VGLL3: variants seen among roughly 807,000 people sequenced by gnomAD.
VGLL3 encodes transcription cofactor vestigial-like protein 3.
A neutral mutation model predicts 29.2 loss-of-function variants in VGLL3; 18 were observed. That is an observed-to-expected ratio of 0.62 (90% CI 0.43 to 0.91). The LOEUF (loss-of-function observed/expected upper bound fraction) is 0.91, where lower values mean the gene tolerates loss of function less well. Among genes scored for constraint, VGLL3 ranks in the 40% least tolerant of loss-of-function variants. The pLI, the probability that VGLL3 is intolerant of heterozygous loss-of-function variation, is 0.00. For synonymous variants in VGLL3, 180 were observed against 151.8 expected (o/e 1.19, Z -1.36); for missense variants, 440 against 413.2 (o/e 1.06, Z -0.56).
rs575096632 is a variant in VGLL3, at chr3:86,988,586, CT to C, written c.126+2031del. Among the ~76,000 whole-genome samples, 222 of 110,170 alleles carry C rather than the reference CT, an allele frequency of 2.0e-3. 1 individual carries two copies. Among genetic ancestry groups the C allele is most frequent in the African/African-American group, 3.4e-3 (100 of 29,344 alleles). 72.3% of individuals were successfully genotyped at this position (110,170 alleles called of 152,430 possible). A position where few individuals can be genotyped will look rare whatever the true frequency, so the allele number is the denominator to read the frequency against. ...AAGAACAGTAGTTACACTGTCAAGT[CT>C]TTTTTTTTTTATTTCGTTAGCCAGT... On this transcript the variant is annotated intron_variant, in intron 1 of 3. Transcript: ENST00000398399.
intron 3 of VGLL3, among the ~76,000 whole-genome samples, chr3:86,955,710 C>T (rs747045896): frequency 5.3e-5 from 8 of 152,084 alleles, no homozygotes; most frequent in Non-Finnish European, 7.4e-5. Flanking sequence ...TTTTATGTGA[C>T]ATGAACAGAA....
rs1490986160 is a variant in VGLL3 at position 86,939,094 on chromosome 3, A to G, written c.*7930T>C. 6.6e-6 allele frequency: 1 copy of G among 152,238 alleles called. No individual in the cohort carries two copies. 9.4% of individuals were successfully genotyped at this position (152,238 alleles called of 1,614,324 possible). ...ACTACATGAAACATTTGAAATAGTG[A>G]CAGGAATTTTCTTTACATGCAATTA... On this transcript the variant is annotated 3_prime_UTR_variant, in exon 4 of 4. Coordinates refer to ENST00000398399, the MANE Select transcript of VGLL3 (RefSeq NM_016206.4).
At chr3:86,974,728 C>T (rs1705173405) in intron 2 of VGLL3, among the ~76,000 whole-genome samples, 1 of 152,186 alleles carries the variant, frequency 6.6e-6, no homozygotes, top group Admixed American at 6.5e-5. Context: ...GGTAGCACTT[C>T]TGTGGCACTG....
intron 3 of VGLL3, among the ~76,000 whole-genome samples, chr3:86,965,631 A>G (rs1265162661): frequency 6.6e-6 from 1 of 152,174 alleles, no homozygotes; most frequent in Non-Finnish European, 1.5e-5. Flanking sequence ...TGTTGCCGGC[A>G]ATTCCTGACT....
intron 2 of VGLL3, among the ~76,000 whole-genome samples, chr3:86,977,959 C>T (rs1036139266): frequency 2.0e-5 from 3 of 152,354 alleles, no homozygotes; most frequent in East Asian, 3.9e-4. Context: ...GTCCAATGTG[C>T]TGCTCTTTCT....
Position 86,988,690 on chromosome 3 carries a change from A to AAGG in VGLL3, c.126+1927_126+1928insCCT, listed in dbSNP as rs1559736723. ...AAAAAAAAAAAAAAAAAAAAAGAAG[A>AAGG]AGAAGAAGGAGAAGAAAAAGAAGAA... On this transcript the variant is annotated intron_variant, in intron 1 of 3. Coordinates refer to ENST00000398399, the MANE Select transcript of VGLL3 (RefSeq NM_016206.4). Among the ~76,000 whole-genome samples, 14 of 37,262 alleles carry AAGG rather than the reference A, an allele frequency of 3.8e-4. 4 individuals carry two copies. Among genetic ancestry groups the AAGG allele is most frequent in the East Asian group, 7.8e-4 (1 of 1,286 alleles). The allele number at this position is 37,262 out of a possible 152,430, so 24.4% of individuals were successfully genotyped here.
chr3:86,968,054 C>T (rs777912071), intron 3 of VGLL3, among the ~76,000 whole-genome samples: 8 of 151,574 alleles, frequency 5.3e-5, no homozygotes, highest in Middle Eastern at 3.2e-3. Context: ...AGTCAGGGAA[C>T]GGAGGGCAGA....
chr3:86,985,917 C>T (rs1179531238), intron 1 of VGLL3, among the ~76,000 whole-genome samples: 1 of 152,152 alleles, frequency 6.6e-6, no homozygotes, highest in Admixed American at 6.5e-5. Flanking sequence ...GAATGACAGT[C>T]ACCTAGCTTA....
At chr3:86,955,945 C>T (rs1704713496) in intron 3 of VGLL3, among the ~76,000 whole-genome samples, 1 of 152,204 alleles carries the variant, frequency 6.6e-6, no homozygotes, top group African/African-American at 2.4e-5. Flanking sequence ...TTTTGCTTCT[C>T]ATCAGTCCTT....
rs1421659473 is a variant in VGLL3 at position 86,946,563 on chromosome 3, A to G, written c.*461T>C. On this transcript the variant is annotated 3_prime_UTR_variant, in exon 4 of 4. Coordinates refer to ENST00000398399, the MANE Select transcript of VGLL3 (RefSeq NM_016206.4). Reference sequence around the variant, plus strand: ...GAACTCAACAATTTTTACAATTTTAAAAAAAATACATCCCTCAAAAATAGC... The same window carrying G: ...GAACTCAACAATTTTTACAATTTTAGAAAAAATACATCCCTCAAAAATAGC... 6.6e-6 allele frequency: 1 copy of G among 152,502 alleles called. No individual in the cohort carries two copies. The highest frequency in any genetic ancestry group is 1.5e-5 in the Non-Finnish European group (1 of 68,284). 9.4% of individuals were successfully genotyped at this position (152,502 alleles called of 1,614,324 possible). A position where few individuals can be genotyped will look rare whatever the true frequency, so the allele number is the denominator to read the frequency against.
At chr3:86,988,969 G>C (rs189419950) in intron 1 of VGLL3, among the ~76,000 whole-genome samples, 1 of 151,952 alleles carries the variant, frequency 6.6e-6, no homozygotes, top group Non-Finnish European at 1.5e-5. Context: ...TTTGGGGACC[G>C]AGTCTCAGGG....
At position 86,980,440 on chromosome 3, in the gene VGLL3, C is replaced by A. The variant is rs1705300907; in HGVS notation, c.127-1638G>T. 2.0e-5 allele frequency among the ~76,000 whole-genome samples: 3 copies of A among 151,878 alleles called. No individual in the cohort carries two copies. In the South Asian group the frequency reaches 6.2e-4, roughly 32 times the overall value. ...TGGTTATTTATAAATATGTGTTTTG[C>A]TTTTATTTAAAATTCGTATCAGTAT... is the stretch of plus-strand genomic sequence containing the variant. On this transcript the variant is annotated intron_variant, in intron 1 of 3. Coordinates refer to ENST00000398399, the MANE Select transcript of VGLL3 (RefSeq NM_016206.4).
intron 1 of VGLL3, among the ~76,000 whole-genome samples, chr3:86,982,963 A>G (rs922527605): frequency 6.6e-6 from 1 of 152,190 alleles, no homozygotes; most frequent in Non-Finnish European, 1.5e-5. Flanking sequence ...TCGCTTGGGC[A>G]GTACAGACCA....
chr3:86,975,068 G>T (rs72916081), intron 2 of VGLL3, among the ~76,000 whole-genome samples: 12,191 of 152,118 alleles, frequency 0.08, 1,279 homozygotes, highest in African/African-American at 0.24. Flanking sequence ...TATGAGATGG[G>T]TATCAATAAA....
chr3:86,947,952 T>G (rs1329861218), intron 3 of VGLL3, among the ~76,000 whole-genome samples: 2 of 147,740 alleles, frequency 1.4e-5, no homozygotes, highest in African/African-American at 2.5e-5. Flanking sequence ...TTTTATTTTG[T>G]TTTTTTTTTC....
chr3:86,965,236 A>G (rs1476986495), intron 3 of VGLL3, among the ~76,000 whole-genome samples: 1 of 152,002 alleles, frequency 6.6e-6, no homozygotes, highest in East Asian at 1.9e-4. Context: ...TAATGTATTT[A>G]TCTTCTAATG....
chr3:86,981,386 A>G (rs1412380128), intron 1 of VGLL3, among the ~76,000 whole-genome samples: 1 of 152,108 alleles, frequency 6.6e-6, no homozygotes, highest in East Asian at 1.9e-4. Flanking sequence ...TCAATATGCA[A>G]TGGGAAATAG....
chr3:86,955,580 G>A (rs188922689), intron 3 of VGLL3, among the ~76,000 whole-genome samples: 262 of 151,884 alleles, frequency 1.7e-3, no homozygotes, highest in Admixed American at 4.5e-3. Context: ...TAGTACAGAC[G>A]GAGTTTCACC....
intron 3 of VGLL3, among the ~76,000 whole-genome samples, chr3:86,956,946 A>G (rs1704737208): frequency 6.6e-6 from 1 of 152,178 alleles, no homozygotes; most frequent in Admixed American, 6.5e-5. Context: ...GCAACTTTTA[A>G]GGATTAGCAT....
Sources: allele counts gnomAD v4.1 joint callset (sites outside exome capture counted in the v4.1 genomes callset), GRCh38; gene constraint gnomAD v4.1.1; transcripts MANE v1.5; gene names NCBI Gene and HGNC (gene_info 2026-07-23, HGNC 2026-07-21).